Variants in RIPOR2 observed in about 807,000 individuals in gnomAD.
RIPOR2 encodes the protein rho family-interacting cell polarization regulator 2.
RIPOR2 carries 39 observed loss-of-function variants against 114.5 expected under a neutral mutation model. That is an observed-to-expected ratio of 0.34 (90% CI 0.26 to 0.44). The LOEUF (loss-of-function observed/expected upper bound fraction) is 0.44, where lower values mean the gene tolerates loss of function less well. Ranked by LOEUF, RIPOR2 falls within the 20% of genes least tolerant of loss-of-function variation. The probability of loss-of-function intolerance (pLI) is 1.00; values close to 1 mark genes in which losing one functional copy is unlikely to be tolerated. For synonymous variants in RIPOR2, 445 were observed against 484.4 expected (o/e 0.92, Z 1.07); for missense variants, 1,007 against 1,255.1 (o/e 0.80, Z 2.99).
intron 1 of RIPOR2, among the ~76,000 whole-genome samples, chr6:24,954,478 C>T (rs997218554): frequency 1.9e-4 from 5 of 26,402 alleles, no homozygotes; most frequent in South Asian, 1.2e-3. Flanking sequence ...TTTTTTGAGA[C>T]AGGGTCTCAC....
chr6:24,875,551 C>T (rs1765637245), intron 2 of RIPOR2, 140 bp downstream of exon 2: 1 of 747,714 alleles, frequency 1.3e-6, no homozygotes, highest in East Asian at 2.7e-5. Flanking sequence ...TTTAGTACAT[C>T]CTTTCCATGA....
intron 1 of RIPOR2, among the ~76,000 whole-genome samples, chr6:25,020,308 TTTAG>T (rs1776257070): frequency 6.6e-6 from 1 of 152,200 alleles, no homozygotes; most frequent in African/African-American, 2.4e-5. Flanking sequence ...ATCCTTCTGA[TTTAG>T]TTAGAGAATG....
intron 1 of RIPOR2, among the ~76,000 whole-genome samples, chr6:25,011,902 A>ACTT (rs2113680050): frequency 6.6e-6 from 1 of 152,352 alleles, no homozygotes; most frequent in Admixed American, 6.5e-5. Context: ...CAAAATCAAA[A>ACTT]CTTCTGTATT....
At chr6:24,947,084 T>C (rs1285877002) in intron 1 of RIPOR2, among the ~76,000 whole-genome samples, 1 of 151,848 alleles carries the variant, frequency 6.6e-6, no homozygotes, top group Non-Finnish European at 1.5e-5. Flanking sequence ...ATTCTTCTTT[T>C]GGAAGGAAAA....
intron 1 of RIPOR2, among the ~76,000 whole-genome samples, chr6:24,960,604 C>A (rs188538586): frequency 9.9e-4 from 151 of 152,304 alleles, no homozygotes; most frequent in African/African-American, 3.3e-3. Flanking sequence ...CAGCTCACTG[C>A]AGCCTTGACC....
At chr6:24,942,274 C>T (rs945330161) in intron 1 of RIPOR2, among the ~76,000 whole-genome samples, 15 of 151,892 alleles carry the variant, frequency 9.9e-5, no homozygotes, top group Admixed American at 2.6e-4. Flanking sequence ...AAGATCTTAC[C>T]GAGTTGATAC....
intron 1 of RIPOR2, among the ~76,000 whole-genome samples, chr6:25,005,738 TATAC>T (rs1554130561): frequency 1.3e-4 from 9 of 70,696 alleles, no homozygotes; most frequent in African/African-American, 2.1e-4. Context: ...TATATATATA[TATAC>T]ATTTACCGAT....
intron 8 of RIPOR2, 92 bp downstream of exon 8, chr6:24,860,881 G>C: frequency 2.5e-6 from 2 of 812,028 alleles, no homozygotes; most frequent in Non-Finnish European, 4.0e-6. Context: ...TCTTTGCAAG[G>C]AAAATAAAAA....
At chr6:24,869,173 G>A (rs773752141) in intron 5 of RIPOR2, 26 bp from the exon 6 acceptor site, 6 of 1,321,968 alleles carry the variant, frequency 4.5e-6, no homozygotes, top group Non-Finnish European at 6.5e-6. Context: ...GTTTGAAAAA[G>A]TACAGTCATT....
rs778442371 is a variant in RIPOR2, at chr6:24,892,404, C to T, written c.62-16587G>A. 2.7e-4 allele frequency among the ~76,000 whole-genome samples: 41 copies of T among 152,198 alleles called. 1 individual carries two copies. Among genetic ancestry groups the T allele is most frequent in the Non-Finnish European group, 2.9e-5 (2 of 68,034 alleles). On this transcript the variant is annotated intron_variant, in intron 1 of 21. Transcript: ENST00000643898. ...TCTCCCCTTAGCCTTGTTTCTCCTG[C>T]ATCATTCCGTATGCTCACACCCAGG... is the stretch of plus-strand genomic sequence containing the variant.
chr6:24,864,931 C>T (rs1368792433), intron 7 of RIPOR2, among the ~76,000 whole-genome samples: 1 of 152,136 alleles, frequency 6.6e-6, no homozygotes, highest in African/African-American at 2.4e-5. Context: ...CAAATCAGGG[C>T]AATGTGGTTT....
intron 1 of RIPOR2, among the ~76,000 whole-genome samples, chr6:24,912,600 A>G (rs1013186481): frequency 6.6e-5 from 10 of 152,034 alleles, no homozygotes; most frequent in African/African-American, 1.9e-4. Flanking sequence ...TATTTACTGG[A>G]GTCTGGAGAA....
At position 24,850,862 on chromosome 6, in the gene RIPOR2, G is replaced by C. The variant is rs1327471149; in HGVS notation, c.760-140C>G. Reference sequence around the variant, plus strand: ...ACTCTCCCTCCACCCCCTTACTCTTGGGTGTGAATGGAGCTGGGGATGAGT... The same window carrying C: ...ACTCTCCCTCCACCCCCTTACTCTTCGGTGTGAATGGAGCTGGGGATGAGT... On this transcript the variant is annotated intron_variant, in intron 9 of 21. Coordinates refer to ENST00000643898, the MANE Select transcript of RIPOR2 (RefSeq NM_001286445.3). 4.2e-6 allele frequency: 4 copies of C among 954,772 alleles called. No homozygotes were observed. In the East Asian group the frequency reaches 9.6e-5, roughly 23 times the overall value. The allele number at this position is 954,772 out of a possible 1,614,324, so 59.1% of individuals were successfully genotyped here.
At chr6:24,894,288 C>T (rs1310938313) in intron 1 of RIPOR2, among the ~76,000 whole-genome samples, 1 of 152,140 alleles carries the variant, frequency 6.6e-6, no homozygotes, top group Non-Finnish European at 1.5e-5. Flanking sequence ...TTAGGTAGGA[C>T]AGTGATTATT....
chr6:24,811,534 G>A (rs2113629722), intron 20 of RIPOR2, among the ~76,000 whole-genome samples: 1 of 152,046 alleles, frequency 6.6e-6, no homozygotes, highest in East Asian at 1.9e-4. Context: ...ACTGCACCTG[G>A]CCTTCTCTCA....
At chr6:24,843,660 C>T in intron 12 of RIPOR2, 106 bp from the exon 13 acceptor site, 4 of 751,358 alleles carry the variant, frequency 5.3e-6, no homozygotes, top group Non-Finnish European at 8.3e-6. Context: ...TGAAAAAACC[C>T]AGAACTTTCA....
At chr6:24,917,221 A>T (rs1453958502) in intron 1 of RIPOR2, among the ~76,000 whole-genome samples, 1 of 152,172 alleles carries the variant, frequency 6.6e-6, no homozygotes, top group Non-Finnish European at 1.5e-5. Context: ...TTATGCTTTT[A>T]AAAAATATTG....
intron 1 of RIPOR2, among the ~76,000 whole-genome samples, chr6:24,915,354 CTTT>C (rs571125440): frequency 1.5e-5 from 2 of 132,892 alleles, no homozygotes; most frequent in Admixed American, 7.5e-5. Context: ...TCTGTCTGTA[CTTT>C]TTTTTTTTTT....
intron 1 of RIPOR2, among the ~76,000 whole-genome samples, chr6:24,907,314 T>G (rs1561759701): frequency 6.6e-6 from 1 of 152,248 alleles, no homozygotes; most frequent in Non-Finnish European, 1.5e-5. Flanking sequence ...ACAGTACTCA[T>G]CGGTGTCATG....
Sources: allele counts gnomAD v4.1 joint callset (sites outside exome capture counted in the v4.1 genomes callset), GRCh38; gene constraint gnomAD v4.1.1; transcripts MANE v1.5; gene names NCBI Gene and HGNC (gene_info 2026-07-23, HGNC 2026-07-21).